VWA8: variants seen among roughly 807,000 people sequenced by gnomAD.
The protein encoded by VWA8 is von Willebrand factor A domain-containing protein 8.
Under a neutral mutation model 241.5 loss-of-function variants are expected in VWA8, and 221 were observed. The observed-to-expected ratio is 0.91, with a 90% CI of 0.82 to 1.02. The LOEUF is 1.02. Ranked by LOEUF, VWA8 falls within the 50% of genes least tolerant of loss-of-function variation. The pLI, the probability that VWA8 is intolerant of heterozygous loss-of-function variation, is 0.00. For missense variants in VWA8, 2,322 were observed against 2,328.7 expected (o/e 1.00, Z 0.06); for synonymous variants, 852 against 827.1 (o/e 1.03, Z -0.52).
chr13:41,856,591 C>A (rs533393011), intron 12 of VWA8, among the ~76,000 whole-genome samples: 2 of 152,130 alleles, frequency 1.3e-5, no homozygotes, highest in East Asian at 1.9e-4. Context: ...GAGACCAAGG[C>A]GGGAGGACTG....
chr13:41,732,316 A>G (rs1286014720), intron 21 of VWA8, among the ~76,000 whole-genome samples, 161 bp from the exon 22 acceptor site: 1 of 152,070 alleles, frequency 6.6e-6, no homozygotes, highest in Non-Finnish European at 1.5e-5. Flanking sequence ...TTATTTGAGT[A>G]ACAATACTTT....
intron 43 of VWA8, among the ~76,000 whole-genome samples, chr13:41,575,225 C>T (rs761744002): frequency 6.6e-6 from 1 of 151,998 alleles, no homozygotes; most frequent in Non-Finnish European, 1.5e-5. Context: ...GACACAAAGA[C>T]ATAAGAGTGA....
At position 41,597,613 on chromosome 13, in the gene VWA8, T is replaced by C. The variant is rs567924671; in HGVS notation, c.4987-6848A>G. Among the ~76,000 whole-genome samples the C allele has an allele frequency of 4.6e-5, 7 of 152,268 alleles. No homozygotes were observed. In the South Asian group the frequency reaches 1.0e-3, roughly 23 times the overall value. ...ATGTTGAGTAACACTATACTATCTATAGTCACTTTTTATGAACTAAAATTA... is the reference window on the plus strand; with the variant it reads ...ATGTTGAGTAACACTATACTATCTACAGTCACTTTTTATGAACTAAAATTA... On this transcript the variant is annotated intron_variant, in intron 40 of 44. Transcript: ENST00000379310.
rs558836863 is a variant in VWA8, at chr13:41,690,045, G to GT, written c.3976+120dup. 1.2e-4 allele frequency: 96 copies of GT among 784,664 alleles called. No individual in the cohort carries two copies. In the African/African-American group the frequency reaches 1.6e-3, roughly 13 times the overall value. The allele number at this position is 784,664 out of a possible 1,614,324, so 48.6% of individuals were successfully genotyped here. ...TTACTATTTCTGGTGTAGTGACTAAGTTTTTTCTTTTGGTGTAAACTTAAC... is the reference window on the plus strand; with the variant it reads ...TTACTATTTCTGGTGTAGTGACTAAGTTTTTTTCTTTTGGTGTAAACTTAAC... On this transcript the variant is annotated intron_variant, in intron 33 of 44. Transcript: ENST00000379310.
chr13:41,806,612 A>T (rs1247832864), intron 17 of VWA8, among the ~76,000 whole-genome samples: 2 of 152,222 alleles, frequency 1.3e-5, no homozygotes, highest in Non-Finnish European at 2.9e-5. Context: ...CTGAGGCAGA[A>T]GAACAGCTTA....
At chr13:41,745,215 G>C (rs1167703409) in intron 21 of VWA8, among the ~76,000 whole-genome samples, 1 of 151,900 alleles carries the variant, frequency 6.6e-6, no homozygotes, top group African/African-American at 2.4e-5. Flanking sequence ...ATGTACACAT[G>C]TGCCATGTTG....
intron 37 of VWA8, among the ~76,000 whole-genome samples, chr13:41,637,247 G>T (rs1310491593): frequency 2.0e-5 from 3 of 151,488 alleles, no homozygotes; most frequent in South Asian, 2.1e-4. Context: ...AAAATGATGA[G>T]TTCATGTCCT....
At chr13:41,816,591 A>T (rs1870703894) in intron 16 of VWA8, 107 bp downstream of exon 16, 1 of 1,143,024 alleles carries the variant, frequency 8.7e-7, no homozygotes, top group Admixed American at 2.3e-5. Flanking sequence ...GGATTCCAAA[A>T]AATAAAATAC....
chr13:41,773,859 AT>A, intron 20 of VWA8, among the ~76,000 whole-genome samples: 1 of 152,216 alleles, frequency 6.6e-6, no homozygotes, highest in Non-Finnish European at 1.5e-5. Flanking sequence ...TTAGCATTTC[AT>A]TATTCTGTCT....
intron 34 of VWA8, among the ~76,000 whole-genome samples, chr13:41,687,256 A>T (rs1242773267): frequency 6.6e-6 from 1 of 152,142 alleles, no homozygotes; most frequent in Non-Finnish European, 1.5e-5. Flanking sequence ...CACTATTACC[A>T]TGTTTAATAG....
intron 37 of VWA8, among the ~76,000 whole-genome samples, chr13:41,615,907 G>T (rs1043545168): frequency 6.6e-6 from 1 of 152,188 alleles, no homozygotes; most frequent in African/African-American, 2.4e-5. Flanking sequence ...TGCACACCAT[G>T]AGCCTGCTCT....
At chr13:41,603,133 A>C (rs1350281497) in intron 40 of VWA8, among the ~76,000 whole-genome samples, 1 of 152,150 alleles carries the variant, frequency 6.6e-6, no homozygotes, top group Non-Finnish European at 1.5e-5. Context: ...TTTTTAAAAA[A>C]TGGGTGCTAC....
At chr13:41,706,071 A>G (rs2045280760) in intron 26 of VWA8, among the ~76,000 whole-genome samples, 1 of 152,206 alleles carries the variant, frequency 6.6e-6, no homozygotes, top group African/African-American at 2.4e-5. Context: ...TTGATCTAAT[A>G]TATTCTTTCA....
rs757480126 is a variant in VWA8, at chr13:41,811,298, G to C, written c.1990C>G (p.Arg664Gly). 5 of 1,610,564 alleles carry C rather than the reference G, an allele frequency of 3.1e-6. No individual in the cohort carries two copies. Among genetic ancestry groups the C allele is most frequent in the African/African-American group, 2.7e-5 (2 of 74,814 alleles). The change falls in exon 17 of 45, where the codon CGA (arginine) becomes GGA (glycine). Residue 664 changes from arginine (R) to glycine (G), a missense_variant. Coordinates refer to ENST00000379310, the MANE Select transcript of VWA8 (RefSeq NM_015058.2). ...AASLSTRQLL[R>G]ISRRLSQYPN... The stretch of plus-strand genomic sequence containing the variant: ...TACTGTGACAGCCGACGAGAAATTC[G>C]CAACAGTTGTCTGGTAGAAAGTGAT...
In VWA8 at chr13:41,758,406, A is replaced by G. The variant is rs1479572945; in HGVS notation, c.2426+2722T>C. ...TATATATATATACGCTAGTATATATATATATATATATATATATATATATAC... is the reference window on the plus strand; with the variant it reads ...TATATATATATACGCTAGTATATATGTATATATATATATATATATATATAC... On this transcript the variant is annotated intron_variant, in intron 21 of 44. Transcript: ENST00000379310. 3.4e-4 allele frequency among the ~76,000 whole-genome samples: 29 copies of G among 84,938 alleles called. 1 individual carries two copies. The highest frequency in any genetic ancestry group is 5.8e-3 in the Middle Eastern group (1 of 172). The allele number at this position is 84,938 out of a possible 152,430, so 55.7% of individuals were successfully genotyped here.
intron 26 of VWA8, among the ~76,000 whole-genome samples, chr13:41,706,047 C>A (rs1272395332): frequency 6.6e-6 from 1 of 152,052 alleles, no homozygotes; most frequent in Non-Finnish European, 1.5e-5. Context: ...TTGGTTGATA[C>A]CTAGCCTAAA....
chr13:41,864,203 G>C (rs193214582), intron 12 of VWA8, among the ~76,000 whole-genome samples: 13 of 151,702 alleles, frequency 8.6e-5, no homozygotes, highest in Non-Finnish European at 1.9e-4. Flanking sequence ...TGGAACCATT[G>C]TGCATTGTTG....
intron 40 of VWA8, among the ~76,000 whole-genome samples, chr13:41,592,391 G>A (rs1270558629): frequency 2.0e-5 from 3 of 149,340 alleles, no homozygotes; most frequent in African/African-American, 4.9e-5. Flanking sequence ...TGGGTGCAGC[G>A]CACCAGCATG....
At chr13:41,880,279 C>T (rs1874106616) in intron 9 of VWA8, among the ~76,000 whole-genome samples, 1 of 151,988 alleles carries the variant, frequency 6.6e-6, no homozygotes, top group Non-Finnish European at 1.5e-5. Flanking sequence ...TAGCACATTT[C>T]CCCCTCCCTC....
Sources: allele counts gnomAD v4.1 joint callset (sites outside exome capture counted in the v4.1 genomes callset), GRCh38; gene constraint gnomAD v4.1.1; transcripts MANE v1.5; gene names NCBI Gene and HGNC (gene_info 2026-07-23, HGNC 2026-07-21).